The following IMPA1 variants were observed in gnomAD, a reference collection of about 807,000 sequenced individuals.
IMPA1 encodes the protein inositol monophosphatase 1, also known as D-galactose 1-phosphate phosphatase.
Under a neutral mutation model 34.9 loss-of-function variants are expected in IMPA1, and 21 were observed. The ratio of observed to expected loss-of-function variants is 0.60; its 90% CI spans 0.43 to 0.87. The LOEUF (loss-of-function observed/expected upper bound fraction) is 0.87, where lower values mean the gene tolerates loss of function less well. Ranked by LOEUF, IMPA1 falls within the 40% of genes least tolerant of loss-of-function variation. The pLI, the probability that IMPA1 is intolerant of heterozygous loss-of-function variation, is 0.00. For synonymous variants in IMPA1, 95 were observed against 104.4 expected (o/e 0.91, Z 0.55); for missense variants, 299 against 336.4 (o/e 0.89, Z 0.87).
At chr8:81,667,690 T>C (rs1483606600) in intron 7 of IMPA1, among the ~76,000 whole-genome samples, 2 of 152,034 alleles carry the variant, frequency 1.3e-5, no homozygotes, top group African/African-American at 2.4e-5. Context: ...ACCAGAATGC[T>C]AATAAAAATA....
At chr8:81,674,097 G>C in intron 5 of IMPA1, 148 bp from the exon 6 acceptor site, 1 of 574,538 alleles carries the variant, frequency 1.7e-6, no homozygotes, top group African/African-American at 1.9e-5. Flanking sequence ...TTAATTTCCA[G>C]ACTAATCAAG....
At chr8:81,679,099 A>T in intron 4 of IMPA1, 27 bp downstream of exon 4, 1 of 1,398,900 alleles carries the variant, frequency 7.1e-7, no homozygotes, top group East Asian at 2.3e-5. Flanking sequence ...TGCAAAGAGT[A>T]ATTATATTAG....
rs573546338 is a variant in IMPA1 at position 81,686,322 on chromosome 8, G to A, written c.-95C>T. On this transcript the variant is annotated 5_prime_UTR_variant, in exon 1 of 9. Coordinates refer to ENST00000256108, the MANE Select transcript of IMPA1 (RefSeq NM_005536.4). ...CACTCGTCTCTTCCGGAGGTAGAGGGGCTACTCGCAACAGGAAGTTCCGCC... is the reference window on the plus strand; with the variant it reads ...CACTCGTCTCTTCCGGAGGTAGAGGAGCTACTCGCAACAGGAAGTTCCGCC... The A allele has an allele frequency of 5.1e-6, 5 of 987,012 alleles. No individual in the cohort carries two copies. The highest frequency in any genetic ancestry group is 1.7e-5 in the African/African-American group (1 of 57,430). The allele number at this position is 987,012 out of a possible 1,614,324, so 61.1% of individuals were successfully genotyped here. A position where few individuals can be genotyped will look rare whatever the true frequency, so the allele number is the denominator to read the frequency against.
At chr8:81,682,200 A>G (rs1416540066) in intron 1 of IMPA1, among the ~76,000 whole-genome samples, 1 of 149,966 alleles carries the variant, frequency 6.7e-6, no homozygotes, top group Non-Finnish European at 1.5e-5. Flanking sequence ...AGTTTCACAG[A>G]GGGAAAAAAA....
In IMPA1 at chr8:81,680,662, T is replaced by A. The variant is rs1394937784; in HGVS notation, c.185A>T (p.Tyr62Phe). The A allele has an allele frequency of 3.1e-6, 5 of 1,609,450 alleles. No individual in the cohort carries two copies. Among genetic ancestry groups the A allele is most frequent in the Non-Finnish European group, 4.2e-6 (5 of 1,177,696 alleles). The change falls in exon 3 of 9, where the codon TAT (tyrosine) becomes TTT (phenylalanine). Residue 62 changes from tyrosine to phenylalanine, a missense_variant. By Grantham distance (22) the Tyr-to-Phe change is conservative. Coordinates refer to ENST00000256108, the MANE Select transcript of IMPA1 (RefSeq NM_005536.4). Reference sequence around the variant, plus strand: ...TAAATAAAAATACCTGTGAGATGGATACTTTTCCTTTATGGAAGAGATAAG... The same window carrying A: ...TAAATAAAAATACCTGTGAGATGGAAACTTTTCCTTTATGGAAGAGATAAG... ...KMLISSIKEK[Y>F]PSHSFIGEES...
chr8:81,686,201 C>T, intron 1 of IMPA1, 51 bp downstream of exon 1: 1 of 1,023,882 alleles, frequency 9.8e-7, no homozygotes, highest in Non-Finnish European at 1.2e-6. Context: ...CCTGGAAACC[C>T]ACAGCGCCCG....
At chr8:81,662,372 T>C (rs1806704462) in intron 7 of IMPA1, among the ~76,000 whole-genome samples, 1 of 152,200 alleles carries the variant, frequency 6.6e-6, no homozygotes, top group African/African-American at 2.4e-5. Context: ...AACAGTGATA[T>C]CTACTAGCGG....
chr8:81,662,072 C>T (rs1447282836), intron 7 of IMPA1, among the ~76,000 whole-genome samples: 1 of 152,110 alleles, frequency 6.6e-6, no homozygotes, highest in Non-Finnish European at 1.5e-5. Flanking sequence ...ATTAGAATAA[C>T]ATGATGTCAT....
intron 7 of IMPA1, among the ~76,000 whole-genome samples, chr8:81,664,575 T>C (rs1806767967): frequency 6.6e-6 from 1 of 152,098 alleles, no homozygotes. Context: ...TGGTAATTCA[T>C]AGTCTTGGCT....
At chr8:81,680,558 G>T in intron 3 of IMPA1, 92 bp downstream of exon 3, 1 of 936,974 alleles carries the variant, frequency 1.1e-6, no homozygotes, top group Non-Finnish European at 1.6e-6. Flanking sequence ...GAAGACCTTG[G>T]CAAGAACCGT....
At chr8:81,666,847 G>A (rs575001579) in intron 7 of IMPA1, among the ~76,000 whole-genome samples, 3 of 138,366 alleles carry the variant, frequency 2.2e-5, no homozygotes, top group Non-Finnish European at 4.6e-5. Context: ...TCCAGCCTGG[G>A]TGACAGAGGG....
intron 7 of IMPA1, among the ~76,000 whole-genome samples, chr8:81,669,332 C>T (rs1451247108): frequency 6.6e-6 from 1 of 152,196 alleles, no homozygotes; most frequent in Non-Finnish European, 1.5e-5. Context: ...AAGCTTCAGG[C>T]ACTGGACTCC....
intron 1 of IMPA1, among the ~76,000 whole-genome samples, chr8:81,683,087 C>G (rs150063702): frequency 6.6e-6 from 1 of 152,152 alleles, no homozygotes; most frequent in Non-Finnish European, 1.5e-5. Context: ...CAAGATTAAA[C>G]CAAGATGAGA....
chr8:81,659,530 T>A, intron 8 of IMPA1, 64 bp from the exon 9 acceptor site: 1 of 879,706 alleles, frequency 1.1e-6, no homozygotes, highest in Non-Finnish European at 1.9e-6. Flanking sequence ...ATAAAACAAG[T>A]ATAGCAATAT....
At chr8:81,676,401 C>T in intron 4 of IMPA1, 122 bp from the exon 5 acceptor site, 4 of 477,848 alleles carry the variant, frequency 8.4e-6, no homozygotes, top group Non-Finnish European at 1.5e-5. Context: ...CATCTCCACT[C>T]CCCACAAAAT....
In IMPA1 at chr8:81,670,290, T is replaced by A. The variant is rs1028410154; in HGVS notation, c.566+649A>T. Among the ~76,000 whole-genome samples, 8 of 151,616 alleles carry A rather than the reference T, an allele frequency of 5.3e-5. No individual in the cohort carries two copies. In the South Asian group the frequency reaches 1.7e-3, roughly 32 times the overall value. ...TTATGGGATACAATGAAAACAATGA[T>A]CAGATGAAATTCATAGCCTAAATAT... On this transcript the variant is annotated intron_variant, in intron 7 of 8. Coordinates refer to ENST00000256108, the MANE Select transcript of IMPA1 (RefSeq NM_005536.4).
chr8:81,673,600 G>C (rs143501456), intron 6 of IMPA1, among the ~76,000 whole-genome samples: 54 of 152,302 alleles, frequency 3.5e-4, no homozygotes, highest in African/African-American at 1.3e-3. Context: ...TAGGAAGCCA[G>C]TCTTAATCAT....
At chr8:81,677,973 C>T (rs961251734) in intron 4 of IMPA1, among the ~76,000 whole-genome samples, 6 of 152,152 alleles carry the variant, frequency 3.9e-5, no homozygotes, top group East Asian at 1.9e-4. Flanking sequence ...TACTCTGTGT[C>T]GGCACTATAC....
At chr8:81,678,025 A>G (rs1807178499) in intron 4 of IMPA1, among the ~76,000 whole-genome samples, 1 of 152,228 alleles carries the variant, frequency 6.6e-6, no homozygotes, top group Admixed American at 6.5e-5. Context: ...GTTGAGTTAC[A>G]ATTCTACGAG....
Sources: allele counts gnomAD v4.1 joint callset (sites outside exome capture counted in the v4.1 genomes callset), GRCh38; gene constraint gnomAD v4.1.1; transcripts MANE v1.5; gene names NCBI Gene and HGNC (gene_info 2026-07-23, HGNC 2026-07-21).